The following PLCH2 variants were observed in gnomAD, a reference collection of about 807,000 sequenced individuals.
PLCH2 encodes the protein phospholipase C eta 2, also known as 1-phosphatidylinositol 4,5-bisphosphate phosphodiesterase eta-2.
A neutral mutation model predicts 134.7 loss-of-function variants in PLCH2; 98 were observed. The ratio of observed to expected loss-of-function variants is 0.73; its 90% CI spans 0.62 to 0.86. The LOEUF (loss-of-function observed/expected upper bound fraction) is 0.86. PLCH2 is among the 40% of genes least tolerant of loss of function. The pLI is 0.00. For synonymous variants in PLCH2, 974 were observed against 827.5 expected (o/e 1.18, Z -3.04); for missense variants, 1,994 against 1,986.6 (o/e 1.00, Z -0.07).
upstream of PLCH2, among the ~76,000 whole-genome samples, chr1:2,466,026 G>A (rs1641042384): frequency 6.6e-6 from 1 of 152,214 alleles, no homozygotes; most frequent in Non-Finnish European, 1.5e-5. Flanking sequence ...TGTCCCAGGG[G>A]ACATGCAGAG....
chr1:2,498,364 C>T lies in PLCH2; in HGVS notation c.2225-159C>T, dbSNP rs534777486. On this transcript the variant is annotated intron_variant, in intron 16 of 21. Coordinates refer to ENST00000378486, the MANE Select transcript of PLCH2 (RefSeq NM_014638.4). The surrounding 1 kb of genome is among the most constrained non-coding windows in gnomAD (Gnocchi z 5.4). ...GATCCATACTGGGCCAGGTGCACCC[C>T]GAGGTGCCCCCCTGGACCACTGCCT... The T allele has an allele frequency of 9.3e-5, 68 of 728,152 alleles. No individual in the cohort carries two copies. In the African/African-American group the frequency reaches 9.4e-4, roughly 10 times the overall value. 45.1% of individuals were successfully genotyped at this position (728,152 alleles called of 1,614,324 possible).
chr1:2,470,128 G>C (rs1442280451), intron 1 of PLCH2, among the ~76,000 whole-genome samples: 1 of 152,228 alleles, frequency 6.6e-6, no homozygotes, highest in East Asian at 1.9e-4. Flanking sequence ...GCTCAGACCT[G>C]GCGACCCAGG....
intron 5 of PLCH2, among the ~76,000 whole-genome samples, 166 bp downstream of exon 5, chr1:2,484,784 A>T (rs1642203363): frequency 6.6e-6 from 1 of 152,112 alleles, no homozygotes; most frequent in Admixed American, 6.5e-5. Flanking sequence ...AGATGGAGAG[A>T]TTAGGGTGGG....
chr1:2,448,750 G>A lies in PLCH2; in HGVS notation c.115+18121G>A, dbSNP rs1640059910. On this transcript the variant is annotated intron_variant, in intron 2 of 3. Transcript: ENST00000609981. The surrounding 1 kb of genome is among the most constrained non-coding windows in gnomAD (Gnocchi z 4.0). ...ACCATCCCCCCTGGTGCAGCCTCCT[G>A]GCTCCCCACCATCCAGTCTCTCCCT... Among the ~76,000 whole-genome samples, 1 of 151,970 alleles carries A rather than the reference G, an allele frequency of 6.6e-6. No individual in the cohort carries two copies. The highest frequency in any genetic ancestry group is 6.5e-5 in the Admixed American group (1 of 15,270).
Position 2,505,239 on chromosome 1 carries a change from C to A in PLCH2, c.*26C>A. 6.5e-7 allele frequency: 1 copy of A among 1,529,984 alleles called. No homozygotes were observed. The highest frequency in any genetic ancestry group is 1.2e-5 in the South Asian group (1 of 84,098). The allele number at this position is 1,529,984 out of a possible 1,614,324, so 94.8% of individuals were successfully genotyped here. A position where few individuals can be genotyped will look rare whatever the true frequency, so the allele number is the denominator to read the frequency against. ...CCGTCAGTGGTGGGAACCTGGGCGG[C>A]TCTGGAGGCCCAGGGCAGGGGTGGG... On this transcript the variant is annotated 3_prime_UTR_variant, in exon 22 of 22. Transcript: ENST00000378486.
intron 1 of PLCH2, among the ~76,000 whole-genome samples, chr1:2,477,930 G>A (rs533726845): frequency 2.6e-5 from 4 of 152,354 alleles, no homozygotes; most frequent in Admixed American, 6.5e-5. Context: ...GGCCAGGGGC[G>A]GGGGCAGGGG....
chr1:2,418,867 G>T, the PLCH2 span, among the ~76,000 whole-genome samples: 1 of 152,208 alleles, frequency 6.6e-6, no homozygotes, highest in African/African-American at 2.4e-5. Flanking sequence ...GTTATGCCCA[G>T]GTCTCTGCCC....
intron 4 of PLCH2, among the ~76,000 whole-genome samples, chr1:2,483,079 A>C (rs1176842040): frequency 6.6e-6 from 1 of 152,162 alleles, no homozygotes; most frequent in Non-Finnish European, 1.5e-5. Flanking sequence ...GGAAGCCCAA[A>C]TCACGAAGCC....
At chr1:2,436,252 CCTCCTCCCTCCTCCTCCT>C (rs1639351114) in intron 2 of PLCH2, among the ~76,000 whole-genome samples, 1 of 101,334 alleles carries the variant, frequency 9.9e-6, no homozygotes, top group African/African-American at 4.1e-5. Context: ...TCCCTCCTCC[CCTCCTCCCTCCTCCTCCT>C]TTCCTCCTTC....
At chr1:2,497,120 G>A (rs1016126798) in intron 15 of PLCH2, 110 bp downstream of exon 15, 23 of 1,098,312 alleles carry the variant, frequency 2.1e-5, no homozygotes, top group African/African-American at 4.7e-5. Flanking sequence ...TCTGTCCTGG[G>A]CTCTATTGCC....
upstream of PLCH2, among the ~76,000 whole-genome samples, chr1:2,474,072 G>T (rs1329010516): frequency 6.6e-6 from 1 of 152,218 alleles, no homozygotes; most frequent in Non-Finnish European, 1.5e-5. Context: ...CCGGGCCCTG[G>T]CTCAGGGCAG....
rs778714814 is a variant in PLCH2, at chr1:2,504,352, G to A, written c.3390G>A (p.Leu1130=). The A allele has an allele frequency of 1.2e-5, 19 of 1,610,880 alleles. No homozygotes were observed. Among genetic ancestry groups the A allele is most frequent in the Non-Finnish European group, 1.5e-5 (18 of 1,179,588 alleles). ...VYSDATGSDP[L]WQRLEPCGHR... ...CCGATGCCACGGGCAGTGACCCGCT[G>A]TGGCAGCGGCTGGAGCCATGTGGCC... Residue 1130 remains leucine, a synonymous_variant, in exon 22 of 22, where the codon CTG becomes CTA. Transcript: ENST00000378486.
At chr1:2,459,737 C>T (rs943796313) in intron 2 of PLCH2, among the ~76,000 whole-genome samples, 1 of 152,216 alleles carries the variant, frequency 6.6e-6, no homozygotes, top group African/African-American at 2.4e-5. Flanking sequence ...TGCCTGTGGT[C>T]TGTCTTCCTT....
At chr1:2,489,567 A>G (rs939079711) in intron 9 of PLCH2, among the ~76,000 whole-genome samples, 189 bp downstream of exon 9, 1 of 152,194 alleles carries the variant, frequency 6.6e-6, no homozygotes, top group African/African-American at 2.4e-5. Context: ...CCTCATGCAC[A>G]TCCAGGCCTT....
Position 2,503,996 on chromosome 1 carries a change from C to CCAA in PLCH2, c.3036_3037insACA (p.Pro1012_Gly1013insThr), listed in dbSNP as rs1558041435. 1.3e-6 allele frequency: 2 copies of CCAA among 1,526,642 alleles called. No homozygotes were observed. The highest frequency in any genetic ancestry group is 3.9e-5 in the Admixed American group (2 of 50,834). The allele number at this position is 1,526,642 out of a possible 1,614,324, so 94.6% of individuals were successfully genotyped here. On this transcript the variant is annotated inframe_insertion, in exon 22 of 22. Coordinates refer to ENST00000378486, the MANE Select transcript of PLCH2 (RefSeq NM_014638.4). ...GGAAACCATCGCTGAGGAGCCCGCC[C>CCAA]CAGGCCCTGGTCCCCCGCCACCAGC... is the stretch of plus-strand genomic sequence containing the variant.
chr1:2,498,394 C>T lies in PLCH2; in HGVS notation c.2225-129C>T, dbSNP rs1465915348. The T allele has an allele frequency of 3.7e-6, 4 of 1,068,498 alleles. No individual in the cohort carries two copies. The highest frequency in any genetic ancestry group is 5.3e-6 in the Non-Finnish European group (4 of 751,226). The allele number at this position is 1,068,498 out of a possible 1,614,324, so 66.2% of individuals were successfully genotyped here. On this transcript the variant is annotated intron_variant, in intron 16 of 21. Transcript: ENST00000378486. The surrounding 1 kb of genome is among the most constrained non-coding windows in gnomAD (Gnocchi z 5.4). Reference sequence around the variant, plus strand: ...TGCCCCCCTGGACCACTGCCTCCCTCCCTCCCCCTGGCACCGGCTCCAGTC... The same window carrying T: ...TGCCCCCCTGGACCACTGCCTCCCTTCCTCCCCCTGGCACCGGCTCCAGTC...
chr1:2,459,504 C>G (rs112182772), intron 2 of PLCH2, among the ~76,000 whole-genome samples: 1,157 of 48,752 alleles, frequency 0.024, 146 homozygotes, highest in Admixed American at 0.061. Flanking sequence ...GGTCCTCCTT[C>G]CTGGTGGTCC....
At chr1:2,499,252 G>A (rs1193883844) in intron 19 of PLCH2, 22 bp downstream of exon 19, 9 of 1,611,556 alleles carry the variant, frequency 5.6e-6, no homozygotes, top group East Asian at 2.2e-5. Flanking sequence ...TGGACACGGT[G>A]CCCCCCACAC....
upstream of PLCH2, among the ~76,000 whole-genome samples, chr1:2,463,878 G>A (rs746922274): frequency 2.0e-5 from 3 of 152,270 alleles, no homozygotes; most frequent in Admixed American, 6.5e-5. Context: ...AACTGAAGCC[G>A]GAGAGGCAGT....
Sources: allele counts gnomAD v4.1 joint callset (sites outside exome capture counted in the v4.1 genomes callset), GRCh38; gene constraint gnomAD v4.1.1; non-coding constraint Gnocchi (gnomAD v3.1); transcripts MANE v1.5; gene names NCBI Gene and HGNC (gene_info 2026-07-23, HGNC 2026-07-21).